Variants in MGAT4C observed in about 807,000 individuals in gnomAD.
MGAT4C encodes alpha-1,3-mannosyl-glycoprotein 4-beta-N-acetylglucosaminyltransferase C.
MGAT4C carries 19 observed loss-of-function variants against 40.1 expected under a neutral mutation model. The ratio of observed to expected loss-of-function variants is 0.47; its 90% CI spans 0.33 to 0.70. MGAT4C has a LOEUF of 0.70. Ranked by LOEUF, MGAT4C falls within the 30% of genes least tolerant of loss-of-function variation. MGAT4C has a pLI of 0.02. For missense variants in MGAT4C, 491 were observed against 563.2 expected, an observed-to-expected ratio of 0.87 and a Z score of 1.30; for synonymous variants, 181 against 187.1, an observed-to-expected ratio of 0.97 and a Z score of 0.27.
intron 2 of MGAT4C, among the ~76,000 whole-genome samples, chr12:86,538,732 G>A (rs962197759): frequency 3.3e-5 from 5 of 150,650 alleles, no homozygotes; most frequent in East Asian, 2.0e-4. Context: ...CTCAGCCTCC[G>A]GAGTAGCTGG....
intron 2 of MGAT4C, among the ~76,000 whole-genome samples, chr12:86,600,786 G>A (rs1267901558): frequency 2.0e-5 from 3 of 152,312 alleles, no homozygotes; most frequent in Non-Finnish European, 4.4e-5. Context: ...AGGAGCTTGC[G>A]TTCCCGCTGC....
At chr12:86,388,050 G>T (rs138777993) in intron 3 of MGAT4C, among the ~76,000 whole-genome samples, 3 of 152,200 alleles carry the variant, frequency 2.0e-5, no homozygotes, top group African/African-American at 7.2e-5. Flanking sequence ...CTGCTGAAAT[G>T]TCTTTCTCTT....
At chr12:86,067,227 T>C (rs1236076662) in intron 1 of MGAT4C, among the ~76,000 whole-genome samples, 1 of 152,204 alleles carries the variant, frequency 6.6e-6, no homozygotes, top group Non-Finnish European at 1.5e-5. Flanking sequence ...CAAAGTGTTA[T>C]AAATCATTCT....
chr12:86,825,022 C>A (rs907135717), intron 1 of MGAT4C, among the ~76,000 whole-genome samples: 1 of 151,174 alleles, frequency 6.6e-6, no homozygotes, highest in Non-Finnish European at 1.5e-5. Context: ...AAAAGGTCAA[C>A]ACGAGTCAAT....
At chr12:86,158,524 T>G (rs1885236213) in intron 1 of MGAT4C, among the ~76,000 whole-genome samples, 1 of 152,292 alleles carries the variant, frequency 6.6e-6, no homozygotes, top group African/African-American at 2.4e-5. Flanking sequence ...TTTCTTCTTC[T>G]TATTTCATGT....
At chr12:86,154,554 G>A (rs886851330) in intron 1 of MGAT4C, among the ~76,000 whole-genome samples, 2 of 152,064 alleles carry the variant, frequency 1.3e-5, no homozygotes, top group African/African-American at 4.8e-5. Flanking sequence ...AACTTCTTTT[G>A]TGTGTGGATG....
intron 2 of MGAT4C, among the ~76,000 whole-genome samples, chr12:86,025,872 TCAAA>T (rs921751692): frequency 1.3e-5 from 2 of 151,796 alleles, no homozygotes; most frequent in African/African-American, 4.8e-5. Context: ...TTGTCTCTCT[TCAAA>T]CAGTGAAAGT....
At chr12:86,275,573 A>T (rs1953056995) in intron 4 of MGAT4C, among the ~76,000 whole-genome samples, 1 of 152,176 alleles carries the variant, frequency 6.6e-6, no homozygotes, top group Non-Finnish European at 1.5e-5. Flanking sequence ...AGATGGAGAG[A>T]TTATACAAAT....
At chr12:86,035,616 AT>A (rs781335925) in intron 2 of MGAT4C, among the ~76,000 whole-genome samples, 1 of 149,750 alleles carries the variant, frequency 6.7e-6, no homozygotes, top group Non-Finnish European at 1.5e-5. Context: ...TTTTGTGGCC[AT>A]TTCTTTTGGT....
Position 86,398,449 on chromosome 12 carries a change from TAC to T in MGAT4C, c.-120+36706_-120+36707del, listed in dbSNP as rs147928583. ...TTCATCTAAGGTAACATTTACAAAT[TAC>T]AGAGATAAGAACTTGATCATATACT... On this transcript the variant is annotated intron_variant, in intron 3 of 7. Coordinates refer to the MGAT4C transcript ENST00000548651. Among the ~76,000 whole-genome samples, 669 of 152,212 alleles carry T rather than the reference TAC, an allele frequency of 4.4e-3. 4 individuals carry two copies. Among genetic ancestry groups the T allele is most frequent in the Non-Finnish European group, 6.8e-3 (465 of 68,022 alleles).
At chr12:86,213,892 C>A (rs1368844568) in intron 1 of MGAT4C, among the ~76,000 whole-genome samples, 7 of 152,140 alleles carry the variant, frequency 4.6e-5, no homozygotes, top group Non-Finnish European at 8.8e-5. Flanking sequence ...AAATCAAATC[C>A]CATCACACCT....
chr12:86,567,599 C>A (rs1960187518), intron 2 of MGAT4C, among the ~76,000 whole-genome samples: 2 of 152,144 alleles, frequency 1.3e-5, no homozygotes, highest in African/African-American at 4.8e-5. Context: ...CCAGGCAGGA[C>A]TACAGATGAC....
chr12:86,194,209 A>G (rs990993330), intron 1 of MGAT4C, among the ~76,000 whole-genome samples: 1 of 152,128 alleles, frequency 6.6e-6, no homozygotes, highest in Non-Finnish European at 1.5e-5. Context: ...AGTATCGTAT[A>G]CCTTGTTGTA....
intron 3 of MGAT4C, among the ~76,000 whole-genome samples, chr12:86,422,833 C>A (rs1488712771): frequency 1.3e-5 from 2 of 152,088 alleles, no homozygotes; most frequent in African/African-American, 4.8e-5. Context: ...GTTACTGTGA[C>A]AAACAAGTTT....
chr12:86,359,393 A>C (rs546648342), intron 3 of MGAT4C, among the ~76,000 whole-genome samples: 10 of 152,156 alleles, frequency 6.6e-5, no homozygotes, highest in Admixed American at 2.6e-4. Flanking sequence ...TAAAATTGAC[A>C]CCCTAACATC....
chr12:86,394,507 T>A (rs1037698740), intron 3 of MGAT4C, among the ~76,000 whole-genome samples: 4 of 145,990 alleles, frequency 2.7e-5, no homozygotes, highest in East Asian at 3.9e-4. Flanking sequence ...ATATATTTTT[T>A]AAATATTTAT....
In MGAT4C at chr12:86,746,488, C is replaced by T. The variant is rs548388337; in HGVS notation, c.-261-19247G>A. Among the ~76,000 whole-genome samples, 4 of 151,732 alleles carry T rather than the reference C, an allele frequency of 2.6e-5. No homozygotes were observed. The East Asian group carries it at 5.9e-4, about 22-fold the overall frequency. Reference sequence around the variant, plus strand: ...CACACTCACTAAATCTTGGTAATACCACTTCTCTGTCATTCTGACATACAA... The same window carrying T: ...CACACTCACTAAATCTTGGTAATACTACTTCTCTGTCATTCTGACATACAA... On this transcript the variant is annotated intron_variant, in intron 1 of 7. Transcript: ENST00000548651.
intron 2 of MGAT4C, among the ~76,000 whole-genome samples, chr12:86,695,409 C>T (rs1035411751): frequency 2.4e-4 from 36 of 152,146 alleles, no homozygotes; most frequent in African/African-American, 8.7e-4. Context: ...CCAGCAATCC[C>T]ACTGCTGAGT....
chr12:86,068,778 T>G (rs1339118478), intron 1 of MGAT4C, among the ~76,000 whole-genome samples: 2 of 152,042 alleles, frequency 1.3e-5, no homozygotes, highest in African/African-American at 4.8e-5. Context: ...TCTGAAGATC[T>G]CTCTCTACTT....
Sources: gnomAD v4.1 joint callset for allele counts (sites outside exome capture counted in the v4.1 genomes callset) on GRCh38, gnomAD v4.1.1 for gene constraint, MANE v1.5 for transcripts, NCBI Gene and HGNC (gene_info 2026-07-23, HGNC 2026-07-21) for gene names.